The following DHRS7B variants were observed in gnomAD, a reference collection of about 807,000 sequenced individuals.
DHRS7B encodes peroxisomal reductase activating PPAR-gamma.
Under a neutral mutation model 26.4 loss-of-function variants are expected in DHRS7B, and 24 were observed. That is an observed-to-expected ratio of 0.91 (90% CI 0.66 to 1.28). The LOEUF (loss-of-function observed/expected upper bound fraction) is 1.28, where lower values mean the gene tolerates loss of function less well. Ranked by LOEUF, DHRS7B falls within the 50% of genes most tolerant of loss-of-function variation. DHRS7B has a pLI of 0.00. For missense variants in DHRS7B, 368 were observed against 419.4 expected, an observed-to-expected ratio of 0.88 and a Z score of 1.07; for synonymous variants, 142 against 166.4, an observed-to-expected ratio of 0.85 and a Z score of 1.13.
At chr17:21,130,573 A>C (rs1973207913) in intron 1 of DHRS7B, among the ~76,000 whole-genome samples, 2 of 152,192 alleles carry the variant, frequency 1.3e-5, no homozygotes, top group African/African-American at 2.4e-5. Context: ...TCAAAGGGAC[A>C]GAGGAATAAT....
At chr17:21,187,893 G>T (rs1024989085) in intron 5 of DHRS7B, among the ~76,000 whole-genome samples, 1 of 151,392 alleles carries the variant, frequency 6.6e-6, no homozygotes, top group African/African-American at 2.4e-5. Flanking sequence ...CTGTCGCCCA[G>T]GCTGGAGTGC....
chr17:21,136,956 T>A (rs1040301637), intron 1 of DHRS7B, among the ~76,000 whole-genome samples: 6 of 151,732 alleles, frequency 4.0e-5, no homozygotes, highest in African/African-American at 1.2e-4. Flanking sequence ...GCTTTTAAAA[T>A]TTTTTTTATT....
At chr17:21,166,133 C>CAAA (rs1567624580) in intron 1 of DHRS7B, 3 of 985,272 alleles carry the variant, frequency 3.0e-6, no homozygotes, top group African/African-American at 1.7e-5. Flanking sequence ...TCCGCCCCCC[C>CAAA]TCACAGGATT....
intron 1 of DHRS7B, among the ~76,000 whole-genome samples, chr17:21,168,524 A>G (rs986020601): frequency 6.6e-6 from 1 of 152,056 alleles, no homozygotes; most frequent in Admixed American, 6.6e-5. Flanking sequence ...GTGCACTACC[A>G]TACCTGGTTA....
intron 1 of DHRS7B, among the ~76,000 whole-genome samples, chr17:21,140,364 C>A (rs1238180836): frequency 6.6e-6 from 1 of 151,856 alleles, no homozygotes; most frequent in Non-Finnish European, 1.5e-5. Flanking sequence ...AGCTACGTAG[C>A]CTTAAATTTG....
chr17:21,185,511 A>G (rs938932834), intron 5 of DHRS7B, among the ~76,000 whole-genome samples: 2 of 152,212 alleles, frequency 1.3e-5, no homozygotes, highest in Non-Finnish European at 2.9e-5. Flanking sequence ...GAGATTTACA[A>G]TCATCATACA....
chr17:21,174,597 T>G (rs1029714687), intron 2 of DHRS7B, among the ~76,000 whole-genome samples: 1 of 152,220 alleles, frequency 6.6e-6, no homozygotes, highest in Admixed American at 6.5e-5. Context: ...AAACTTTCAT[T>G]TCCTCTCTTT....
rs573362698 is a variant in DHRS7B, at chr17:21,141,328, G to A, written c.20+14337G>A. On this transcript the variant is annotated intron_variant, in intron 1 of 6. Coordinates refer to ENST00000395511, the MANE Select transcript of DHRS7B (RefSeq NM_015510.5). ...CAGCAGTTCAATTTCTCACACAAATGCACACAGAAAAACTGAATTAACATT... is the reference window on the plus strand; with the variant it reads ...CAGCAGTTCAATTTCTCACACAAATACACACAGAAAAACTGAATTAACATT... Among the ~76,000 whole-genome samples, 3 of 152,102 alleles carry A rather than the reference G, an allele frequency of 2.0e-5. No individual in the cohort carries two copies. In the South Asian group the frequency reaches 6.2e-4, roughly 32 times the overall value.
Position 21,191,159 on chromosome 17 carries a change from T to C in DHRS7B, c.*6T>C. On this transcript the variant is annotated 3_prime_UTR_variant, in exon 7 of 7. Coordinates refer to ENST00000395511, the MANE Select transcript of DHRS7B (RefSeq NM_015510.5). ...GGAAATCCAAGAACTCCTAGTACTCTGACCAGCCAGGGCCAGGGCAGAGAA... is the reference window on the plus strand; with the variant it reads ...GGAAATCCAAGAACTCCTAGTACTCCGACCAGCCAGGGCCAGGGCAGAGAA... 1 of 1,613,036 alleles carries C rather than the reference T, an allele frequency of 6.2e-7. No individual in the cohort carries two copies. The highest frequency in any genetic ancestry group is 8.5e-7 in the Non-Finnish European group (1 of 1,180,008).
At chr17:21,135,626 T>C (rs893995274) in intron 1 of DHRS7B, among the ~76,000 whole-genome samples, 8 of 152,344 alleles carry the variant, frequency 5.3e-5, no homozygotes, top group Non-Finnish European at 7.3e-5. Context: ...AATTTGTTTT[T>C]TAAAATTTTA....
chr17:21,155,469 T>C (rs1973859960), intron 1 of DHRS7B, among the ~76,000 whole-genome samples: 1 of 152,126 alleles, frequency 6.6e-6, no homozygotes, highest in Admixed American at 6.6e-5. Context: ...TAATAGAGCA[T>C]CAAAATATGT....
At chr17:21,172,370 A>AT in intron 2 of DHRS7B, 174 bp downstream of exon 2, 1 of 613,894 alleles carries the variant, frequency 1.6e-6, no homozygotes, top group Non-Finnish European at 2.6e-6. Context: ...AGCAGGAGCC[A>AT]AGGCACAGTG....
chr17:21,133,839 C>G (rs1263908926), intron 1 of DHRS7B, among the ~76,000 whole-genome samples: 3 of 152,008 alleles, frequency 2.0e-5, no homozygotes, highest in Non-Finnish European at 4.4e-5. Flanking sequence ...AAAGAACAAT[C>G]CTGGAAAAAT....
chr17:21,140,433 C>T (rs950650893), intron 1 of DHRS7B, among the ~76,000 whole-genome samples: 4 of 141,702 alleles, frequency 2.8e-5, no homozygotes, highest in Non-Finnish European at 6.0e-5. Flanking sequence ...TTATAAGGTG[C>T]GGAGAGAAAA....
At chr17:21,166,740 G>A (rs190303334) in intron 1 of DHRS7B, among the ~76,000 whole-genome samples, 1 of 152,256 alleles carries the variant, frequency 6.6e-6, no homozygotes, top group East Asian at 1.9e-4. Context: ...AACTGCTTTA[G>A]CAATACTAAG....
At chr17:21,141,640 A>AAAAAG in intron 1 of DHRS7B, among the ~76,000 whole-genome samples, 1,272 of 89,982 alleles carry the variant, frequency 0.014, 167 homozygotes, top group Middle Eastern at 0.023. Flanking sequence ...AAAAAAAAAA[A>AAAAAG]CAACCTCATC....
rs1485844473 is a variant in DHRS7B at position 21,190,978 on chromosome 17, G to A, written c.803G>A (p.Ser268Asn). ...GACACCACCACAGCCCAGGGCCGAA[G>A]CCCTGTGGAGGTGGCCCAGGATGTT... ...VMDTTTAQGR[S>N]PVEVAQDVLA... The change falls in exon 7 of 7, where the codon AGC (serine) becomes AAC (asparagine). Residue 268 changes from serine to asparagine, a missense_variant. Physicochemically the swap from Ser to Asn is conservative, Grantham distance 46. Transcript: ENST00000395511. The A allele has an allele frequency of 6.2e-7, 1 of 1,614,146 alleles. No homozygotes were observed. The highest frequency in any genetic ancestry group is 2.2e-5 in the East Asian group (1 of 44,904).
chr17:21,182,348 A>G (rs1490869927), intron 3 of DHRS7B, among the ~76,000 whole-genome samples: 1 of 151,974 alleles, frequency 6.6e-6, no homozygotes, highest in African/African-American at 2.4e-5. Flanking sequence ...TCCCAGGTTC[A>G]AGGGATTCTG....
chr17:21,183,792 C>T lies in DHRS7B; in HGVS notation c.508C>T (p.Pro170Ser), dbSNP rs756017197. 8 of 1,613,974 alleles carry T rather than the reference C, an allele frequency of 5.0e-6. No homozygotes were observed. In the East Asian group the frequency reaches 6.7e-5, roughly 13 times the overall value. The change falls in exon 4 of 7, where the codon CCA becomes TCA. Residue 170 changes from proline to serine, a missense_variant. Transcript: ENST00000395511. ...GGTCATGGAGACAAACTACTTTGGC[C>T]CAGTTGCTCTAACGAAAGGTAACAG... ...KRVMETNYFGPVALTKALLPS... is the reference protein window; with the variant it reads ...KRVMETNYFGSVALTKALLPS...
Sources: allele counts gnomAD v4.1 joint callset (sites outside exome capture counted in the v4.1 genomes callset), GRCh38; gene constraint gnomAD v4.1.1; transcripts MANE v1.5; gene names NCBI Gene and HGNC (gene_info 2026-07-23, HGNC 2026-07-21).